The following SLC7A1 variants were observed in gnomAD, a reference collection of about 807,000 sequenced individuals.
SLC7A1 encodes the protein solute carrier family 7 member 1, also known as high affinity cationic amino acid transporter 1.
Under a neutral mutation model 53.9 loss-of-function variants are expected in SLC7A1, and 10 were observed. The ratio of observed to expected loss-of-function variants is 0.19; its 90% CI spans 0.11 to 0.31. SLC7A1 has a LOEUF of 0.31. Ranked by LOEUF, SLC7A1 falls within the 10% of genes least tolerant of loss-of-function variation. SLC7A1 has a pLI of 1.00. For missense variants in SLC7A1, 525 were observed against 827.2 expected (o/e 0.63, Z 4.48); for synonymous variants, 342 against 338.7 (o/e 1.01, Z -0.11).
intron 5 of SLC7A1, among the ~76,000 whole-genome samples, chr13:29,524,494 C>T (rs922330032): frequency 6.6e-6 from 1 of 152,170 alleles, no homozygotes; most frequent in African/African-American, 2.4e-5. Context: ...CCAGAAGCAT[C>T]TTCTAAACAA....
At chr13:29,536,298 C>G (rs1869416385) in intron 2 of SLC7A1, 96 bp from the exon 3 acceptor site, 1 of 1,235,442 alleles carries the variant, frequency 8.1e-7, no homozygotes, top group East Asian at 2.4e-5. Flanking sequence ...GTGATCAGGT[C>G]CTTCATAATC....
chr13:29,593,665 T>A (rs984455770), intron 1 of SLC7A1, among the ~76,000 whole-genome samples: 4 of 152,210 alleles, frequency 2.6e-5, no homozygotes, highest in African/African-American at 4.8e-5. Context: ...ACCAGAATAA[T>A]CAATCAACAC....
intron 7 of SLC7A1, 23 bp from the exon 8 acceptor site, chr13:29,522,479 CG>C: frequency 6.2e-7 from 1 of 1,613,840 alleles, no homozygotes; most frequent in East Asian, 2.2e-5. Flanking sequence ...AGGCAAACCG[CG>C]TGAGTGAACC....
At chr13:29,585,544 T>A (rs950325475) in intron 1 of SLC7A1, among the ~76,000 whole-genome samples, 1 of 152,238 alleles carries the variant, frequency 6.6e-6, no homozygotes, top group Non-Finnish European at 1.5e-5. Flanking sequence ...GTTCTTATTG[T>A]AGACTGCGGT....
chr13:29,525,580 T>G (rs906952698), intron 5 of SLC7A1, among the ~76,000 whole-genome samples: 1 of 152,178 alleles, frequency 6.6e-6, no homozygotes, highest in Non-Finnish European at 1.5e-5. Flanking sequence ...CCAACTACTT[T>G]CTAATGGGGA....
At chr13:29,589,787 A>G (rs1208595217) in intron 1 of SLC7A1, among the ~76,000 whole-genome samples, 2 of 152,086 alleles carry the variant, frequency 1.3e-5, no homozygotes, top group Non-Finnish European at 2.9e-5. Context: ...GAGTCCAGGT[A>G]CAGGCAGACA....
At chr13:29,518,879 G>A (rs1868491906) in intron 9 of SLC7A1, among the ~76,000 whole-genome samples, 2 of 152,006 alleles carry the variant, frequency 1.3e-5, no homozygotes, top group Admixed American at 1.3e-4. Context: ...ACCAAGCCTA[G>A]GCCCAGAGCA....
At chr13:29,519,655 T>C in intron 8 of SLC7A1, 106 bp from the exon 9 acceptor site, 5 of 643,318 alleles carry the variant, frequency 7.8e-6, no homozygotes, top group African/African-American at 5.5e-5. Context: ...GGGCTGCTTT[T>C]ACTCCCACCC....
intron 3 of SLC7A1, among the ~76,000 whole-genome samples, chr13:29,534,398 T>C (rs1869313121): frequency 6.6e-6 from 1 of 152,240 alleles, no homozygotes; most frequent in African/African-American, 2.4e-5. Context: ...CCATTTACAA[T>C]AGCTACATTC....
chr13:29,557,042 T>C (rs927086672), intron 1 of SLC7A1, among the ~76,000 whole-genome samples: 3 of 152,250 alleles, frequency 2.0e-5, no homozygotes, highest in Non-Finnish European at 4.4e-5. Context: ...CTGGAATGCA[T>C]AGCAAATAAA....
intron 1 of SLC7A1, among the ~76,000 whole-genome samples, chr13:29,574,598 AGGGTAAACCTTAACAT>A (rs1871331088): frequency 6.7e-6 from 1 of 149,204 alleles, no homozygotes; most frequent in Non-Finnish European, 1.5e-5. Flanking sequence ...GCCAAGGTCT[AGGGTAAACCTTAACAT>A]TTCGTAGCAC....
intron 1 of SLC7A1, among the ~76,000 whole-genome samples, chr13:29,582,739 C>G (rs528924272): frequency 6.6e-6 from 1 of 152,166 alleles, no homozygotes; most frequent in Non-Finnish European, 1.5e-5. Context: ...TTTGTATGCA[C>G]GTGTGGTCTA....
intron 2 of SLC7A1, among the ~76,000 whole-genome samples, chr13:29,547,158 A>C (rs1453431815): frequency 3.3e-5 from 5 of 151,994 alleles, no homozygotes; most frequent in African/African-American, 1.2e-4. Context: ...AAATCCTACA[A>C]ATATAAAAGA....
chr13:29,541,885 G>A (rs1318426376), intron 2 of SLC7A1, among the ~76,000 whole-genome samples: 1 of 152,144 alleles, frequency 6.6e-6, no homozygotes, highest in Non-Finnish European at 1.5e-5. Flanking sequence ...CAGGTTCACA[G>A]AAAAATACTA....
chr13:29,590,383 T>C (rs894278455), intron 1 of SLC7A1, among the ~76,000 whole-genome samples: 48 of 152,110 alleles, frequency 3.2e-4, no homozygotes, highest in African/African-American at 1.0e-3. Context: ...CACACATACA[T>C]ATACACATAC....
chr13:29,517,803 G>C lies in SLC7A1; in HGVS notation c.1293-13C>G, dbSNP rs368572740. The C allele has an allele frequency of 4.4e-6, 7 of 1,606,242 alleles. No homozygotes were observed. The highest frequency in any genetic ancestry group is 3.6e-4 in the Middle Eastern group (2 of 5,500). The stretch of plus-strand genomic sequence containing the variant: ...CTCTGGCTGGTACCTGGGAAGAAAG[G>C]CATTGCGTGACCGCCACATCTGCTT... On this transcript the variant is annotated splice_polypyrimidine_tract_variant and intron_variant, in intron 9 of 12. Coordinates refer to ENST00000380752, the MANE Select transcript of SLC7A1 (RefSeq NM_003045.5).
chr13:29,553,363 C>T (rs535730660), intron 2 of SLC7A1, among the ~76,000 whole-genome samples: 6 of 152,230 alleles, frequency 3.9e-5, no homozygotes, highest in East Asian at 3.9e-4. Context: ...ACACAGAGCA[C>T]GAGACACAGC....
chr13:29,519,423 G>T (rs1270773502), intron 9 of SLC7A1, 24 bp downstream of exon 9: 2 of 1,401,144 alleles, frequency 1.4e-6, no homozygotes, highest in African/African-American at 1.4e-5. Flanking sequence ...TTTCTGTCAT[G>T]AGACCCCCAA....
intron 12 of SLC7A1, 75 bp from the exon 13 acceptor site, chr13:29,514,658 G>T: frequency 8.6e-7 from 1 of 1,166,622 alleles, no homozygotes; most frequent in Non-Finnish European, 1.2e-6. Flanking sequence ...AGAGCCCAGG[G>T]CGGTCCCACA....
Sources: gnomAD v4.1 joint callset for allele counts (sites outside exome capture counted in the v4.1 genomes callset) on GRCh38, gnomAD v4.1.1 for gene constraint, MANE v1.5 for transcripts, NCBI Gene and HGNC (gene_info 2026-07-23, HGNC 2026-07-21) for gene names.